The following DGKG variants were observed in gnomAD, a reference collection of about 807,000 sequenced individuals.
DGKG encodes diacylglycerol kinase gamma, also known as DAG kinase gamma.
DGKG carries 78 observed loss-of-function variants against 105.3 expected under a neutral mutation model. The ratio of observed to expected loss-of-function variants is 0.74; its 90% CI spans 0.62 to 0.89. DGKG has a LOEUF of 0.89. DGKG is among the 40% of genes least tolerant of loss of function. The pLI is 0.00. For missense variants in DGKG, 958 were observed against 1,020.1 expected, an observed-to-expected ratio of 0.94 and a Z score of 0.83; for synonymous variants, 346 against 367.1, an observed-to-expected ratio of 0.94 and a Z score of 0.66.
At chr3:186,161,357 G>A (rs768799770) in intron 24 of DGKG, 90 of 1,354,096 alleles carry the variant, frequency 6.6e-5, no homozygotes, top group Middle Eastern at 2.8e-4. Flanking sequence ...TGAACTCCTC[G>A]AAGTTGGTTC....
chr3:186,237,735 C>T (rs1396796089), intron 20 of DGKG, among the ~76,000 whole-genome samples: 3 of 152,206 alleles, frequency 2.0e-5, no homozygotes, highest in African/African-American at 7.2e-5. Context: ...AGCTTGGACT[C>T]TGGAGTGAAG....
chr3:186,337,433 C>A (rs183813535), intron 1 of DGKG, among the ~76,000 whole-genome samples: 1 of 151,922 alleles, frequency 6.6e-6, no homozygotes, highest in South Asian at 2.1e-4. Context: ...ACAAACAAAA[C>A]CTTTAAGCAC....
At chr3:186,355,194 A>C (rs80217192) in intron 1 of DGKG, among the ~76,000 whole-genome samples, 1,979 of 57,858 alleles carry the variant, frequency 0.034, 119 homozygotes, top group African/African-American at 0.095. Flanking sequence ...ACCACCATCA[A>C]TACCACCACC....
chr3:186,165,151 T>C, intron 22 of DGKG, 133 bp from the exon 23 acceptor site: 1 of 890,704 alleles, frequency 1.1e-6, no homozygotes, highest in Non-Finnish European at 1.6e-6. Flanking sequence ...TTTTTCATAT[T>C]CACTCTGAAT....
intron 21 of DGKG, among the ~76,000 whole-genome samples, chr3:186,201,844 T>C (rs936474494): frequency 6.6e-6 from 1 of 152,256 alleles, no homozygotes; most frequent in Non-Finnish European, 1.5e-5. Flanking sequence ...GGGTATAGAA[T>C]GAATAAGATA....
In DGKG at chr3:186,314,048, A is replaced by G. The variant is rs534291984; in HGVS notation, c.67+6345T>C. 2.0e-5 allele frequency among the ~76,000 whole-genome samples: 3 copies of G among 152,320 alleles called. No individual in the cohort carries two copies. The East Asian group carries it at 5.8e-4, about 29-fold the overall frequency. The stretch of plus-strand genomic sequence containing the variant: ...TGAACTGTAACTACATCTTAAAGTC[A>G]GAAACTTTGTCATAATCTGATTCGA... On this transcript the variant is annotated intron_variant, in intron 2 of 24. Transcript: ENST00000265022.
intron 5 of DGKG, among the ~76,000 whole-genome samples, chr3:186,293,966 T>TA (rs1322876437): frequency 4.6e-5 from 7 of 152,022 alleles, no homozygotes; most frequent in African/African-American, 1.7e-4. Context: ...CAAAAGAAGA[T>TA]AAAAAAATGC....
chr3:186,225,660 C>T (rs1229328247), intron 20 of DGKG, among the ~76,000 whole-genome samples: 1 of 152,140 alleles, frequency 6.6e-6, no homozygotes, highest in Non-Finnish European at 1.5e-5. Flanking sequence ...GCTCCCTTTA[C>T]ACAGCACTCA....
At chr3:186,315,656 T>G (rs1233793363) in intron 2 of DGKG, among the ~76,000 whole-genome samples, 4 of 149,968 alleles carry the variant, frequency 2.7e-5, no homozygotes, top group Non-Finnish European at 5.9e-5. Context: ...ATAGTACAAA[T>G]GTAGTAAAAA....
intron 22 of DGKG, among the ~76,000 whole-genome samples, chr3:186,177,219 A>G: frequency 6.6e-6 from 1 of 152,120 alleles, no homozygotes; most frequent in African/African-American, 2.4e-5. Context: ...CGGCTGAAAA[A>G]GCTTCATCTC....
intron 13 of DGKG, among the ~76,000 whole-genome samples, 170 bp from the exon 14 acceptor site, chr3:186,265,476 C>T (rs1200574733): frequency 7.1e-6 from 1 of 141,302 alleles, no homozygotes; most frequent in Non-Finnish European, 1.6e-5. Flanking sequence ...AGAAATGTAC[C>T]CCTATGACTT....
intron 1 of DGKG, among the ~76,000 whole-genome samples, chr3:186,333,747 C>T (rs947730103): frequency 2.0e-5 from 3 of 152,106 alleles, no homozygotes; most frequent in African/African-American, 4.8e-5. Flanking sequence ...GACCTGTCAG[C>T]GAAGAGACAT....
intron 20 of DGKG, among the ~76,000 whole-genome samples, chr3:186,221,017 G>A (rs910491291): frequency 1.3e-5 from 2 of 152,148 alleles, no homozygotes; most frequent in South Asian, 2.1e-4. Flanking sequence ...AAGGACACAC[G>A]TGTGCACGTG....
chr3:186,289,570 A>C (rs1723224715), intron 5 of DGKG, among the ~76,000 whole-genome samples: 3 of 152,116 alleles, frequency 2.0e-5, no homozygotes. Context: ...TAACAAGAAA[A>C]CTGGGCACCC....
At chr3:186,204,295 A>G (rs1052063275) in intron 21 of DGKG, among the ~76,000 whole-genome samples, 6 of 152,108 alleles carry the variant, frequency 3.9e-5, no homozygotes, top group Non-Finnish European at 5.9e-5. Context: ...AATCCCAGCT[A>G]CTTGGGAGGC....
chr3:186,321,728 T>C (rs1282278618), intron 1 of DGKG, among the ~76,000 whole-genome samples: 2 of 152,150 alleles, frequency 1.3e-5, no homozygotes, highest in Non-Finnish European at 2.9e-5. Context: ...TCTGGGGAAA[T>C]GTGTAGACTG....
intron 12 of DGKG, among the ~76,000 whole-genome samples, chr3:186,268,547 C>G (rs575395537): frequency 1.3e-5 from 2 of 152,368 alleles, no homozygotes; most frequent in East Asian, 3.9e-4. Flanking sequence ...CCAGGCCACA[C>G]AGACAGTGGA....
chr3:186,302,896 AC>A (rs936225222), intron 3 of DGKG, among the ~76,000 whole-genome samples: 3 of 152,164 alleles, frequency 2.0e-5, no homozygotes, highest in African/African-American at 7.2e-5. Flanking sequence ...AACAGGATGC[AC>A]AGAATAAACC....
chr3:186,294,662 A>G (rs1723463782), intron 5 of DGKG, among the ~76,000 whole-genome samples: 1 of 152,112 alleles, frequency 6.6e-6, no homozygotes, highest in Non-Finnish European at 1.5e-5. Context: ...CCCTAGTATG[A>G]GAATGATCTA....
Sources: allele counts gnomAD v4.1 joint callset (sites outside exome capture counted in the v4.1 genomes callset), GRCh38; gene constraint gnomAD v4.1.1; transcripts MANE v1.5; gene names NCBI Gene and HGNC (gene_info 2026-07-23, HGNC 2026-07-21).